Variants in CDH18 observed in about 807,000 individuals in gnomAD.
CDH18 encodes the protein cadherin-18.
CDH18 carries 31 observed loss-of-function variants against 67.9 expected under a neutral mutation model. That is an observed-to-expected ratio of 0.46 (90% CI 0.34 to 0.62). The LOEUF is 0.62. Among genes scored for constraint, CDH18 ranks in the 20% least tolerant of loss-of-function variants. The probability of loss-of-function intolerance (pLI) is 0.01; values close to 1 mark genes in which losing one functional copy is unlikely to be tolerated. For missense variants in CDH18, 890 were observed against 975.5 expected (o/e 0.91, Z 1.17); for synonymous variants, 362 against 347.2 (o/e 1.04, Z -0.48).
intron 5 of CDH18, among the ~76,000 whole-genome samples, chr5:19,669,089 G>C (rs1050504483): frequency 4.8e-5 from 7 of 146,686 alleles, no homozygotes; most frequent in Non-Finnish European, 9.0e-5. Flanking sequence ...CTTCCAACTT[G>C]ATTTGTACAA....
At chr5:19,762,137 C>A (rs1340895313) in intron 3 of CDH18, among the ~76,000 whole-genome samples, 3 of 152,132 alleles carry the variant, frequency 2.0e-5, no homozygotes, top group Non-Finnish European at 4.4e-5. Flanking sequence ...ACCATAAAAA[C>A]CCTAGAAGAA....
At chr5:19,474,669 C>G (rs150725925) in intron 12 of CDH18, among the ~76,000 whole-genome samples, 1 of 152,184 alleles carries the variant, frequency 6.6e-6, no homozygotes, top group South Asian at 2.1e-4. Context: ...TGTGATTTCT[C>G]GCATCACAGG....
chr5:19,780,417 T>A (rs950269602), intron 3 of CDH18, among the ~76,000 whole-genome samples: 1 of 152,198 alleles, frequency 6.6e-6, no homozygotes, highest in Non-Finnish European at 1.5e-5. Flanking sequence ...GTTAATTTTA[T>A]GTTTTGATTT....
intron 3 of CDH18, among the ~76,000 whole-genome samples, chr5:19,750,319 A>C (rs1463661171): frequency 6.6e-6 from 1 of 152,132 alleles, no homozygotes; most frequent in African/African-American, 2.4e-5. Flanking sequence ...GCCTGAGAGA[A>C]ACCTTGAGTA....
chr5:20,255,786 C>T (rs970225878), intron 1 of CDH18, among the ~76,000 whole-genome samples: 3 of 151,438 alleles, frequency 2.0e-5, no homozygotes, highest in Admixed American at 6.6e-5. Context: ...TGGTATGTCA[C>T]GACATAAAGA....
chr5:20,102,844 T>A (rs758945462), intron 2 of CDH18, among the ~76,000 whole-genome samples: 2 of 152,116 alleles, frequency 1.3e-5, no homozygotes, highest in Non-Finnish European at 2.9e-5. Context: ...AGGATAACCA[T>A]CTGTGACTAG....
At chr5:19,906,905 C>T (rs1790601679) in intron 2 of CDH18, among the ~76,000 whole-genome samples, 1 of 151,902 alleles carries the variant, frequency 6.6e-6, no homozygotes, top group African/African-American at 2.4e-5. Flanking sequence ...TATATATCAG[C>T]TATCATAAGC....
chr5:20,230,906 T>A (rs1459928877), intron 2 of CDH18, among the ~76,000 whole-genome samples: 1 of 152,104 alleles, frequency 6.6e-6, no homozygotes, highest in Non-Finnish European at 1.5e-5. Flanking sequence ...TAAACCTGTA[T>A]ACACAGAGAG....
At chr5:20,237,321 T>G (rs1172729467) in intron 2 of CDH18, among the ~76,000 whole-genome samples, 1 of 151,890 alleles carries the variant, frequency 6.6e-6, no homozygotes, top group Non-Finnish European at 1.5e-5. Flanking sequence ...AGGGGTTTCT[T>G]GCCCATTAAA....
intron 1 of CDH18, among the ~76,000 whole-genome samples, chr5:20,517,591 T>C (rs1161470210): frequency 1.3e-5 from 2 of 152,040 alleles, no homozygotes; most frequent in East Asian, 3.9e-4. Flanking sequence ...GTATTTACTT[T>C]GTACACATAC....
chr5:20,254,298 A>C (rs973420485), intron 2 of CDH18, among the ~76,000 whole-genome samples: 1 of 152,048 alleles, frequency 6.6e-6, no homozygotes, highest in Non-Finnish European at 1.5e-5. Context: ...TTTTGAGTAG[A>C]GACAGGTTTT....
intron 1 of CDH18, among the ~76,000 whole-genome samples, chr5:20,280,346 C>T (rs1026378811): frequency 6.6e-6 from 1 of 152,052 alleles, no homozygotes; most frequent in Non-Finnish European, 1.5e-5. Flanking sequence ...TCTCCTAATG[C>T]TATCCCTCCC....
At chr5:19,996,911 A>C (rs1224901035) in intron 2 of CDH18, among the ~76,000 whole-genome samples, 1 of 152,042 alleles carries the variant, frequency 6.6e-6, no homozygotes, top group Non-Finnish European at 1.5e-5. Context: ...TGTACACCTG[A>C]CTAGATTTAT....
intron 2 of CDH18, among the ~76,000 whole-genome samples, chr5:20,034,544 G>C (rs1739672951): frequency 6.6e-6 from 1 of 152,000 alleles, no homozygotes; most frequent in Non-Finnish European, 1.5e-5. Context: ...AAAGCAGATT[G>C]CCTTTTCCAA....
At chr5:20,089,955 A>C (rs1160241107) in intron 2 of CDH18, among the ~76,000 whole-genome samples, 1 of 152,182 alleles carries the variant, frequency 6.6e-6, no homozygotes, top group Non-Finnish European at 1.5e-5. Flanking sequence ...AACCTGATAC[A>C]TCTAAGCTTT....
At chr5:20,345,869 G>A (rs999212295) in intron 1 of CDH18, among the ~76,000 whole-genome samples, 4 of 152,104 alleles carry the variant, frequency 2.6e-5, no homozygotes, top group East Asian at 3.9e-4. Flanking sequence ...CACTGCGGAC[G>A]GGGGCCACCC....
intron 2 of CDH18, among the ~76,000 whole-genome samples, chr5:19,944,216 T>A (rs2150241391): frequency 6.6e-6 from 1 of 152,264 alleles, no homozygotes; most frequent in South Asian, 2.1e-4. Context: ...CTATCAATTT[T>A]GTTTTGTTTT....
chr5:20,318,777 C>CT (rs1737705785), intron 1 of CDH18, among the ~76,000 whole-genome samples: 1 of 152,102 alleles, frequency 6.6e-6, no homozygotes, highest in Non-Finnish European at 1.5e-5. Flanking sequence ...AAAAATTATA[C>CT]TTTAAGTTCT....
chr5:20,419,955 A>C (rs1747727853), intron 1 of CDH18, among the ~76,000 whole-genome samples: 1 of 151,128 alleles, frequency 6.6e-6, no homozygotes. Flanking sequence ...AATCTCATTA[A>C]ATAATAACTT....
Sources: allele counts gnomAD v4.1 joint callset (sites outside exome capture counted in the v4.1 genomes callset), GRCh38; gene constraint gnomAD v4.1.1; transcripts MANE v1.5; gene names NCBI Gene and HGNC (gene_info 2026-07-23, HGNC 2026-07-21).